The following WDR17 variants were observed in gnomAD, a reference collection of about 807,000 sequenced individuals.
WDR17 encodes WD repeat-containing protein 17.
Under a neutral mutation model 161.7 loss-of-function variants are expected in WDR17, and 143 were observed. The observed-to-expected ratio is 0.88, with a 90% confidence interval of 0.77 to 1.02. The LOEUF (loss-of-function observed/expected upper bound fraction) is 1.02, where lower values mean the gene tolerates loss of function less well. Ranked by LOEUF, WDR17 falls within the 50% of genes least tolerant of loss-of-function variation. The probability of loss-of-function intolerance (pLI) is 0.00; values close to 1 mark genes in which losing one functional copy is unlikely to be tolerated. For missense variants in WDR17, 1,469 were observed against 1,520.9 expected (o/e 0.97, Z 0.57); for synonymous variants, 517 against 515.6 (o/e 1.00, Z -0.04).
chr4:176,094,118 A>G lies in WDR17; in HGVS notation c.-6-17457A>G, dbSNP rs1360791868. ...TTTTACTCTTAAAAAAACACCAAAA[A>G]CAATTTCTTAAGTGATTTTGTTTAG... is the stretch of plus-strand genomic sequence containing the variant. On this transcript the variant is annotated intron_variant, in intron 1 of 28. Coordinates refer to ENST00000508596, the MANE Select transcript of WDR17 (RefSeq NM_181265.4). Among the ~76,000 whole-genome samples, 4 of 152,260 alleles carry G rather than the reference A, an allele frequency of 2.6e-5. No homozygotes were observed. In the East Asian group the frequency reaches 7.7e-4, roughly 29 times the overall value.
intron 21 of WDR17, 48 bp from the exon 22 acceptor site, chr4:176,163,106 C>A: frequency 6.2e-7 from 1 of 1,611,488 alleles, no homozygotes. Flanking sequence ...AATGATGATC[C>A]TACCCAGCTT....
chr4:176,158,244 G>A lies in WDR17; in HGVS notation c.2526-1750G>A, dbSNP rs771246293. On this transcript the variant is annotated intron_variant, in intron 18 of 28. Transcript: ENST00000508596. Reference sequence around the variant, plus strand: ...CAGACATGAGGAGGCCAGTTAGAAGGCAATTAGAATAGCTGAGTCAAGAGA... The same window carrying A: ...CAGACATGAGGAGGCCAGTTAGAAGACAATTAGAATAGCTGAGTCAAGAGA... 6.4e-4 allele frequency among the ~76,000 whole-genome samples: 97 copies of A among 152,302 alleles called. 1 individual carries two copies. Among genetic ancestry groups the A allele is most frequent in the Middle Eastern group, 3.4e-3 (1 of 294 alleles).
In WDR17 at chr4:176,174,716, A is replaced by G; in HGVS notation, c.3447A>G (p.Thr1149=). 1 of 1,593,774 alleles carries G rather than the reference A, an allele frequency of 6.3e-7. No homozygotes were observed. The highest frequency in any genetic ancestry group is 8.6e-7 in the Non-Finnish European group (1 of 1,167,610). ...QSIVPALYEY[T]SQLLKRREVS... ...TTGTTCCAGCACTTTATGAGTACAC[A>G]AGGTAAAAAAGGTTTTTTCCTCCAT... Residue 1149 remains threonine, a splice_region_variant and synonymous_variant, in exon 26 of 29, where the codon ACA becomes ACG. Transcript: ENST00000508596.
At chr4:176,094,202 A>G (rs866320876) in intron 1 of WDR17, among the ~76,000 whole-genome samples, 1 of 152,198 alleles carries the variant, frequency 6.6e-6, no homozygotes, top group East Asian at 1.9e-4. Flanking sequence ...ATTTCCTTAG[A>G]TCTTTTCCAA....
At chr4:176,092,317 A>G (rs1210354633) in intron 1 of WDR17, among the ~76,000 whole-genome samples, 1 of 152,186 alleles carries the variant, frequency 6.6e-6, no homozygotes, top group Non-Finnish European at 1.5e-5. Context: ...ATTATACATC[A>G]TGTCAACAGG....
chr4:176,087,061 AT>A lies in WDR17; in HGVS notation c.-7+20986del, dbSNP rs545699272. On this transcript the variant is annotated intron_variant, in intron 1 of 28. Transcript: ENST00000508596. ...TTTCATATAATTTAGTGCTACAAATATTTTAAATTTCATAAGACATTACAAT... is the reference window on the plus strand; with the variant it reads ...TTTCATATAATTTAGTGCTACAAATATTTAAATTTCATAAGACATTACAAT... Among the ~76,000 whole-genome samples, 911 of 152,012 alleles carry A rather than the reference AT, an allele frequency of 6.0e-3. 11 individuals are homozygous for A. The highest frequency in any genetic ancestry group is 0.02 in the African/African-American group (849 of 41,550).
Position 176,128,836 on chromosome 4 carries a change from C to CT in WDR17, c.891dup (p.Asn298Ter). 6.3e-7 allele frequency: 1 copy of CT among 1,575,900 alleles called. No individual in the cohort carries two copies. The highest frequency in any genetic ancestry group is 8.6e-7 in the Non-Finnish European group (1 of 1,166,156). ...AACAGGATTTCACTGCTTACATGTA[C>CT]TTAATTCTCCTCCAAGAAAAAAGTG... On this transcript the variant is annotated frameshift_variant, in exon 6 of 29. Coordinates refer to ENST00000508596, the MANE Select transcript of WDR17 (RefSeq NM_181265.4). LOFTEE classifies it high-confidence loss of function.
At chr4:176,076,077 T>C (rs1381172590) in intron 1 of WDR17, among the ~76,000 whole-genome samples, 1 of 151,924 alleles carries the variant, frequency 6.6e-6, no homozygotes, top group Non-Finnish European at 1.5e-5. Flanking sequence ...ATGATGCCAA[T>C]CTGTTTTTTT....
intron 1 of WDR17, among the ~76,000 whole-genome samples, chr4:176,088,689 G>A (rs1267763699): frequency 6.6e-6 from 1 of 152,136 alleles, no homozygotes; most frequent in Non-Finnish European, 1.5e-5. Flanking sequence ...GATGATTATG[G>A]CAAAGTCAAT....
At chr4:176,082,314 A>G (rs974028887) in intron 1 of WDR17, among the ~76,000 whole-genome samples, 1 of 152,126 alleles carries the variant, frequency 6.6e-6, no homozygotes, top group Admixed American at 6.6e-5. Flanking sequence ...TTTAATAACC[A>G]TGTATACTCG....
intron 12 of WDR17, among the ~76,000 whole-genome samples, chr4:176,146,493 A>C (rs1746191194): frequency 6.6e-6 from 1 of 152,230 alleles, no homozygotes; most frequent in African/African-American, 2.4e-5. Context: ...TCAGAATGGT[A>C]GGGAAATCAG....
intron 1 of WDR17, among the ~76,000 whole-genome samples, chr4:176,088,313 C>CT: frequency 6.6e-6 from 1 of 152,144 alleles, no homozygotes; most frequent in East Asian, 1.9e-4. Flanking sequence ...CAGGAGGGTA[C>CT]TGTGATGAAT....
intron 18 of WDR17, among the ~76,000 whole-genome samples, chr4:176,156,476 C>G (rs186229486): frequency 6.6e-6 from 1 of 151,944 alleles, no homozygotes; most frequent in Non-Finnish European, 1.5e-5. Context: ...AGCATAGGTT[C>G]GTAAAATACT....
At chr4:176,119,196 A>T (rs1319852948) in intron 3 of WDR17, among the ~76,000 whole-genome samples, 4 of 152,108 alleles carry the variant, frequency 2.6e-5, no homozygotes, top group Non-Finnish European at 5.9e-5. Flanking sequence ...CATCTTATTG[A>T]TGGAATGTAA....
At chr4:176,119,450 G>C (rs562665642) in intron 3 of WDR17, among the ~76,000 whole-genome samples, 23 of 152,082 alleles carry the variant, frequency 1.5e-4, no homozygotes, top group East Asian at 1.2e-3. Flanking sequence ...ACTAATCCCT[G>C]TCTCCCTAAC....
At chr4:176,125,646 A>G (rs1056436544) in intron 5 of WDR17, among the ~76,000 whole-genome samples, 1 of 152,212 alleles carries the variant, frequency 6.6e-6, no homozygotes, top group Admixed American at 6.5e-5. Context: ...TGTGCAAAAG[A>G]CAAAGACAGT....
chr4:176,166,039 C>A (rs2126864124), intron 22 of WDR17: 1 of 726,504 alleles, frequency 1.4e-6, no homozygotes, highest in Non-Finnish European at 2.2e-6. Context: ...ATAAACAGCG[C>A]TTTTTTTACA....
Position 176,177,168 on chromosome 4 carries a change from T to C in WDR17, c.3548+12T>C, listed in dbSNP as rs1272476338. 4 of 1,607,258 alleles carry C rather than the reference T, an allele frequency of 2.5e-6. No individual in the cohort carries two copies. The highest frequency in any genetic ancestry group is 2.7e-5 in the African/African-American group (2 of 74,734). On this transcript the variant is annotated intron_variant, in intron 27 of 28. Coordinates refer to ENST00000508596, the MANE Select transcript of WDR17 (RefSeq NM_181265.4). ...CAGTCCACCAACAGGTGAGCAAATA[T>C]GATATAAAAATTGGAATGCAGAAGG...
intron 1 of WDR17, chr4:176,111,307 A>C: frequency 4.5e-6 from 1 of 221,782 alleles, no homozygotes; most frequent in Non-Finnish European, 8.8e-6. Context: ...GTCACTGGGT[A>C]TGTGTTTCCC....
Sources: allele counts gnomAD v4.1 joint callset (sites outside exome capture counted in the v4.1 genomes callset), GRCh38; gene constraint gnomAD v4.1.1; transcripts MANE v1.5; gene names NCBI Gene and HGNC (gene_info 2026-07-23, HGNC 2026-07-21).